Variants in GALNT17 observed in about 807,000 individuals in gnomAD.
GALNT17 encodes polypeptide N-acetylgalactosaminyltransferase 17.
Under a neutral mutation model 63.7 loss-of-function variants are expected in GALNT17, and 29 were observed. That is an observed-to-expected ratio of 0.46 (90% CI 0.34 to 0.62). The LOEUF is 0.62. GALNT17 is among the 20% of genes least tolerant of loss of function. GALNT17 has a pLI of 0.01. For synonymous variants in GALNT17, 305 were observed against 318.3 expected, an observed-to-expected ratio of 0.96 and a Z score of 0.45; for missense variants, 603 against 799.6, an observed-to-expected ratio of 0.75 and a Z score of 2.97.
chr7:71,372,806 A>T (rs1259469816), intron 2 of GALNT17, among the ~76,000 whole-genome samples: 1 of 152,198 alleles, frequency 6.6e-6, no homozygotes, highest in East Asian at 1.9e-4. Flanking sequence ...GATGTGTAGC[A>T]TACAACGATG....
At chr7:71,621,545 T>A (rs6460680) in intron 6 of GALNT17, among the ~76,000 whole-genome samples, 8,507 of 86,966 alleles carry the variant, frequency 0.098, 369 homozygotes, top group African/African-American at 0.12. Context: ...ATTGATGGAT[T>A]GATGGATAGA....
intron 1 of GALNT17, among the ~76,000 whole-genome samples, chr7:71,220,408 T>C (rs1789561953): frequency 6.6e-6 from 1 of 152,220 alleles, no homozygotes; most frequent in African/African-American, 2.4e-5. Flanking sequence ...GGTCCTGTGA[T>C]ATTTTCATAA....
chr7:71,197,366 AT>A (rs34168187), intron 1 of GALNT17, among the ~76,000 whole-genome samples: 47,841 of 138,710 alleles, frequency 0.34, 9,237 homozygotes, highest in African/African-American at 0.56. Flanking sequence ...CGGCCGGCTA[AT>A]TTTTTTTTTT....
At chr7:71,284,560 A>G (rs59411439) in intron 1 of GALNT17, 6,922 of 151,936 alleles carry the variant, frequency 0.046, 530 homozygotes, top group African/African-American at 0.16. Flanking sequence ...TAGTGCCACC[A>G]TGTGAAGAAG....
In GALNT17 at chr7:71,431,579, G is replaced by A. The variant is rs892596297; in HGVS notation, c.962+10474G>A. Reference sequence around the variant, plus strand: ...GCATGAGTTAAGCACCTTACCCAACGTCACACACCTGGTAAGAAGTGGAGC... The same window carrying A: ...GCATGAGTTAAGCACCTTACCCAACATCACACACCTGGTAAGAAGTGGAGC... On this transcript the variant is annotated intron_variant, in intron 5 of 10. Coordinates refer to ENST00000333538, the MANE Select transcript of GALNT17 (RefSeq NM_022479.3). Among the ~76,000 whole-genome samples, 8 of 152,094 alleles carry A rather than the reference G, an allele frequency of 5.3e-5. No individual in the cohort carries two copies. The South Asian group carries it at 1.4e-3, about 28-fold the overall frequency.
intron 6 of GALNT17, among the ~76,000 whole-genome samples, chr7:71,577,146 G>A (rs949624980): frequency 9.2e-5 from 14 of 152,266 alleles, no homozygotes; most frequent in Admixed American, 7.2e-4. Flanking sequence ...TCACTTATAC[G>A]TGGGAACTAA....
intron 3 of GALNT17, among the ~76,000 whole-genome samples, chr7:71,415,458 T>C (rs952696529): frequency 6.6e-6 from 1 of 152,152 alleles, no homozygotes; most frequent in African/African-American, 2.4e-5. Flanking sequence ...GCATTTCTAC[T>C]ACTGAGCAAA....
intron 6 of GALNT17, among the ~76,000 whole-genome samples, chr7:71,643,974 T>A (rs919360932): frequency 1.3e-5 from 2 of 152,172 alleles, no homozygotes; most frequent in African/African-American, 4.8e-5. Context: ...GATATCCAGC[T>A]TTCCTGGAAG....
intron 5 of GALNT17, among the ~76,000 whole-genome samples, chr7:71,435,637 C>T (rs957973154): frequency 1.4e-4 from 22 of 152,118 alleles, no homozygotes; most frequent in African/African-American, 3.9e-4. Context: ...CGCAAGAGGA[C>T]GGCATCAATT....
At chr7:71,665,657 A>G (rs1790974750) in intron 7 of GALNT17, 61 bp downstream of exon 7, 2 of 1,522,636 alleles carry the variant, frequency 1.3e-6, no homozygotes, top group Non-Finnish European at 1.8e-6. Flanking sequence ...TTTGATCACT[A>G]TTTATTTAAT....
intron 9 of GALNT17, among the ~76,000 whole-genome samples, chr7:71,690,409 T>C (rs1487200275): frequency 6.6e-6 from 1 of 152,134 alleles, no homozygotes; most frequent in African/African-American, 2.4e-5. Context: ...TCACTGCTCA[T>C]TGATAATGGT....
At chr7:71,710,363 C>A (rs1402648315) in intron 9 of GALNT17, among the ~76,000 whole-genome samples, 1 of 152,082 alleles carries the variant, frequency 6.6e-6, no homozygotes, top group Non-Finnish European at 1.5e-5. Context: ...CAAAAATTAG[C>A]CGTGTGTGGT....
intron 1 of GALNT17, among the ~76,000 whole-genome samples, chr7:71,273,427 G>T (rs971984520): frequency 6.6e-6 from 1 of 152,170 alleles, no homozygotes; most frequent in Non-Finnish European, 1.5e-5. Context: ...TGAAATATCG[G>T]CTAGATTATT....
At chr7:71,701,894 T>TAC (rs1165951372) in intron 9 of GALNT17, among the ~76,000 whole-genome samples, 21 of 121,016 alleles carry the variant, frequency 1.7e-4, no homozygotes, top group African/African-American at 5.5e-4. Flanking sequence ...TATATATATA[T>TAC]ACACATATAT....
rs531678932 is a variant in GALNT17 at position 71,270,569 on chromosome 7, A to G, written c.239-64981A>G. ...AAAAAAAAAAAAAAAAAAGAAACGAATTTTCTAAACATATATAAGGTAAAG... is the reference window on the plus strand; with the variant it reads ...AAAAAAAAAAAAAAAAAAGAAACGAGTTTTCTAAACATATATAAGGTAAAG... On this transcript the variant is annotated intron_variant, in intron 1 of 10. Transcript: ENST00000333538. 4.0e-3 allele frequency among the ~76,000 whole-genome samples: 585 copies of G among 147,120 alleles called. 2 individuals are homozygous for G. The highest frequency in any genetic ancestry group is 6.7e-3 in the Non-Finnish European group (444 of 66,644).
chr7:71,692,456 C>T (rs1165298345), intron 9 of GALNT17, among the ~76,000 whole-genome samples: 1 of 152,112 alleles, frequency 6.6e-6, no homozygotes, highest in Admixed American at 6.5e-5. Flanking sequence ...GTAAAGCCTC[C>T]TGGTGGAATG....
intron 1 of GALNT17, among the ~76,000 whole-genome samples, chr7:71,327,289 T>C (rs1207991890): frequency 6.6e-6 from 1 of 152,160 alleles, no homozygotes; most frequent in Non-Finnish European, 1.5e-5. Context: ...CAGTTTCACA[T>C]GGTTGGGGAA....
At chr7:71,335,997 T>TCTTCTTCTTC (rs1281902733) in intron 2 of GALNT17, among the ~76,000 whole-genome samples, 9 of 82,748 alleles carry the variant, frequency 1.1e-4, no homozygotes, top group Admixed American at 6.1e-4. Flanking sequence ...TTCTTCTTCT[T>TCTTCTTCTTC]CTTCTTCTTC....
intron 1 of GALNT17, among the ~76,000 whole-genome samples, chr7:71,168,278 A>AT (rs1486555333): frequency 6.6e-6 from 1 of 151,938 alleles, no homozygotes. Flanking sequence ...GTATTTTAAC[A>AT]TTTTCTATAT....
Sources: gnomAD v4.1 joint callset for allele counts (sites outside exome capture counted in the v4.1 genomes callset) on GRCh38, gnomAD v4.1.1 for gene constraint, MANE v1.5 for transcripts, NCBI Gene and HGNC (gene_info 2026-07-23, HGNC 2026-07-21) for gene names.